ANK3: variants seen among roughly 807,000 people sequenced by gnomAD.
ANK3 encodes ankyrin-3.
Under a neutral mutation model 370.9 loss-of-function variants are expected in ANK3, and 57 were observed. The ratio of observed to expected loss-of-function variants is 0.15; its 90% CI spans 0.12 to 0.19. The LOEUF is 0.19. Among genes scored for constraint, ANK3 ranks in the 10% least tolerant of loss-of-function variants. ANK3 has a pLI of 1.00. For synonymous variants in ANK3, 1,929 were observed against 1,946.3 expected, an observed-to-expected ratio of 0.99 and a Z score of 0.23; for missense variants, 4,439 against 5,302.1, an observed-to-expected ratio of 0.84 and a Z score of 5.06.
rs548757720 is a variant in ANK3 at position 60,620,292 on chromosome 10, T to A, written c.58-5068A>T. On this transcript the variant is annotated intron_variant, in intron 1 of 43. Transcript: ENST00000373827. Reference sequence around the variant, plus strand: ...GCATCTCCATCAAAGGTGTTTATTATATTTGTGTGAAAATCAAGTTTAGTT... The same window carrying A: ...GCATCTCCATCAAAGGTGTTTATTAAATTTGTGTGAAAATCAAGTTTAGTT... 3.3e-5 allele frequency among the ~76,000 whole-genome samples: 5 copies of A among 152,338 alleles called. No individual in the cohort carries two copies. In the South Asian group the frequency reaches 1.0e-3, roughly 32 times the overall value.
intron 1 of ANK3, among the ~76,000 whole-genome samples, chr10:60,382,978 T>C (rs1387900897): frequency 6.6e-6 from 1 of 152,054 alleles, no homozygotes; most frequent in African/African-American, 2.4e-5. Context: ...AATTTAACTT[T>C]CAACATCTCA....
At chr10:60,499,733 T>C (rs1368798480) in intron 2 of ANK3, among the ~76,000 whole-genome samples, 2 of 152,192 alleles carry the variant, frequency 1.3e-5, no homozygotes, top group Non-Finnish European at 2.9e-5. Flanking sequence ...AAGGAAGGCT[T>C]GGCCATGCTT....
At chr10:60,080,425 G>C in intron 36 of ANK3, 112 bp downstream of exon 36, 1 of 898,294 alleles carries the variant, frequency 1.1e-6, no homozygotes. Context: ...TTTCCTGCAG[G>C]CAATTTTTCT....
At chr10:60,413,201 C>T (rs950768954) in intron 2 of ANK3, among the ~76,000 whole-genome samples, 3 of 152,120 alleles carry the variant, frequency 2.0e-5, no homozygotes, top group African/African-American at 7.2e-5. Context: ...TTATTTTGGC[C>T]AATTTACTAA....
At chr10:60,426,997 T>G (rs946726821) in intron 2 of ANK3, among the ~76,000 whole-genome samples, 2 of 152,248 alleles carry the variant, frequency 1.3e-5, no homozygotes, top group East Asian at 3.9e-4. Context: ...CCCAATCTGA[T>G]GCTTCGAATT....
chr10:60,687,861 G>C (rs1031215478), intron 1 of ANK3, among the ~76,000 whole-genome samples: 3 of 152,064 alleles, frequency 2.0e-5, no homozygotes, highest in African/African-American at 7.2e-5. Flanking sequence ...TATATATATA[G>C]AATGGAATAC....
chr10:60,158,274 C>A (rs1305111675), intron 23 of ANK3, among the ~76,000 whole-genome samples: 1 of 152,140 alleles, frequency 6.6e-6, no homozygotes, highest in African/African-American at 2.4e-5. Context: ...AACAAGAAAT[C>A]ATTTAAATGC....
rs553924305 is a variant in ANK3 at position 60,180,867 on chromosome 10, C to T, written c.2184+462G>A. On this transcript the variant is annotated intron_variant, in intron 18 of 43. Coordinates refer to ENST00000280772, the MANE Select transcript of ANK3 (RefSeq NM_020987.5). ...TGAGAGAGGGAGAACACACGCATGA[C>T]CGCACAGACCATTAGGAATTTAGCA... Among the ~76,000 whole-genome samples the T allele has an allele frequency of 3.5e-4, 53 of 152,110 alleles. 1 individual carries two copies. The Middle Eastern group carries it at 0.01, about 29-fold the overall frequency.
In ANK3 at chr10:60,211,915, GA is replaced by G. The variant is rs915597947; in HGVS notation, c.996+1496del. 4.5e-5 allele frequency among the ~76,000 whole-genome samples: 6 copies of G among 133,198 alleles called. No individual in the cohort carries two copies. In the East Asian group the frequency reaches 1.3e-3, roughly 30 times the overall value. The allele number at this position is 133,198 out of a possible 152,430, so 87.4% of individuals were successfully genotyped here. ...GCCAAAAAAAAAAAAAAAAAAAAAG[GA>G]AAAAAAGGAAATCTGAGGAATTAGG... On this transcript the variant is annotated intron_variant, in intron 9 of 43. Coordinates refer to ENST00000280772, the MANE Select transcript of ANK3 (RefSeq NM_020987.5).
At chr10:60,044,810 T>C (rs2076677219) in intron 42 of ANK3, 1 of 152,240 alleles carries the variant, frequency 6.6e-6, no homozygotes, top group Non-Finnish European at 1.5e-5. Context: ...TTTATCACTC[T>C]GGTTTATTTA....
At chr10:60,395,568 C>CTTTTCT (rs1555367105) in intron 2 of ANK3, among the ~76,000 whole-genome samples, 1 of 116,684 alleles carries the variant, frequency 8.6e-6, no homozygotes, top group African/African-American at 3.8e-5. Flanking sequence ...TTCTTTCTTT[C>CTTTTCT]TTTCTTTCTT....
At chr10:60,321,664 TAGAG>T in intron 1 of ANK3, among the ~76,000 whole-genome samples, 1 of 152,190 alleles carries the variant, frequency 6.6e-6, no homozygotes, top group East Asian at 1.9e-4. Flanking sequence ...AAACTGAAAT[TAGAG>T]AGGTCATATA....
intron 1 of ANK3, among the ~76,000 whole-genome samples, chr10:60,717,104 T>A (rs1357845553): frequency 6.6e-6 from 1 of 152,134 alleles, no homozygotes; most frequent in Admixed American, 6.5e-5. Flanking sequence ...AAGCTTACAA[T>A]CACAATGTAA....
chr10:60,636,795 A>G (rs1164499814), intron 1 of ANK3, among the ~76,000 whole-genome samples: 11 of 152,226 alleles, frequency 7.2e-5, no homozygotes, highest in Non-Finnish European at 1.0e-4. Context: ...GCTGGGTGTT[A>G]ACTCTCAAAT....
intron 2 of ANK3, among the ~76,000 whole-genome samples, chr10:60,612,012 T>C (rs1398134858): frequency 6.6e-6 from 1 of 152,146 alleles, no homozygotes; most frequent in East Asian, 1.9e-4. Flanking sequence ...CTCTTCAATT[T>C]GTACCCTATG....
At chr10:60,544,457 T>G (rs1405907720) in intron 2 of ANK3, among the ~76,000 whole-genome samples, 2 of 152,140 alleles carry the variant, frequency 1.3e-5, no homozygotes, top group African/African-American at 4.8e-5. Flanking sequence ...CTTCAGTACC[T>G]CATTTGAAAT....
chr10:60,060,140 G>A (rs1201517430), intron 40 of ANK3: 20 of 636,876 alleles, frequency 3.1e-5, no homozygotes, highest in Non-Finnish European at 4.4e-5. Context: ...TAAATTTATC[G>A]GTTTAGTTCA....
At chr10:60,346,965 T>A (rs2055681552) in intron 1 of ANK3, among the ~76,000 whole-genome samples, 1 of 151,030 alleles carries the variant, frequency 6.6e-6, no homozygotes, top group African/African-American at 2.4e-5. Context: ...TACATAAGAG[T>A]CTTTTAAACA....
At chr10:60,165,246 A>AT (rs1190323083) in intron 23 of ANK3, among the ~76,000 whole-genome samples, 1 of 152,140 alleles carries the variant, frequency 6.6e-6, no homozygotes, top group Non-Finnish European at 1.5e-5. Flanking sequence ...TAAGAATATC[A>AT]TTTTTTCTTT....
Sources: gnomAD v4.1 joint callset for allele counts (sites outside exome capture counted in the v4.1 genomes callset) on GRCh38, gnomAD v4.1.1 for gene constraint, MANE v1.5 for transcripts, NCBI Gene and HGNC (gene_info 2026-07-23, HGNC 2026-07-21) for gene names.